The following SOAT2 variants were observed in gnomAD, a reference collection of about 807,000 sequenced individuals.
SOAT2 encodes the protein sterol O-acyltransferase 2.
SOAT2 carries 87 observed loss-of-function variants against 76.0 expected under a neutral mutation model. That is an observed-to-expected ratio of 1.14 (90% CI 0.96 to 1.37). The LOEUF is 1.37. Ranked by LOEUF, SOAT2 falls within the 40% of genes most tolerant of loss-of-function variation. The pLI is 0.00. For missense variants in SOAT2, 686 were observed against 682.1 expected (o/e 1.01, Z -0.06); for synonymous variants, 285 against 275.4 (o/e 1.03, Z -0.34).
Position 53,115,631 on chromosome 12 carries a change from C to A in SOAT2, c.685C>A (p.Arg229Ser), listed in dbSNP as rs766772823. 1.9e-6 allele frequency: 3 copies of A among 1,550,386 alleles called. No homozygotes were observed. The South Asian group carries it at 3.5e-5, about 18-fold the overall frequency. ...AVEHQLPPAS[R>S]CVLVFEQVRF... is the part of the protein sequence containing the mutation. ...GGAGCATCAGCTCCCGCCGGCCTCCCGTTGTGTCCTGGTCTTCGAGCAGGT... is the reference window on the plus strand; with the variant it reads ...GGAGCATCAGCTCCCGCCGGCCTCCAGTTGTGTCCTGGTCTTCGAGCAGGT... The change falls in exon 6 of 15, where the codon CGT becomes AGT. Residue 229 changes from arginine to serine, a missense_variant. Physicochemically the swap from Arg to Ser is moderately radical, Grantham distance 110. Coordinates refer to ENST00000301466, the MANE Select transcript of SOAT2 (RefSeq NM_003578.4).
intron 4 of SOAT2, 83 bp downstream of exon 4, chr12:53,105,703 C>G (rs2272302): frequency 0.19 from 249,046 of 1,319,882 alleles, 29,515 homozygotes; most frequent in African/African-American, 0.5. Context: ...TCATCCCCAG[C>G]CTCTAGGTGG....
chr12:53,105,993 T>C lies in SOAT2; in HGVS notation c.422T>C (p.Ile141Thr), dbSNP rs1278331629. The C allele has an allele frequency of 6.2e-7, 1 of 1,613,928 alleles. No homozygotes were observed. The highest frequency in any genetic ancestry group is 1.3e-5 in the African/African-American group (1 of 75,034). The change falls in exon 5 of 15, where the codon ATC (isoleucine) becomes ACC (threonine). Residue 141 changes from isoleucine (I) to threonine (T), a missense_variant. Transcript: ENST00000301466. Reference sequence around the variant, plus strand: ...GTCTTCATCATCAGCACCCTGGCCATCGACTTCATTGATGAGGGCAGGTAG... The same window carrying C: ...GTCTTCATCATCAGCACCCTGGCCACCGACTTCATTGATGAGGGCAGGTAG... ...LCVFIISTLA[I>T]DFIDEGRLLL...
chr12:53,104,020 A>G, intron 1 of SOAT2, 131 bp from the exon 2 acceptor site: 5 of 825,088 alleles, frequency 6.1e-6, no homozygotes, highest in Non-Finnish European at 8.6e-6. Flanking sequence ...CCCAACCATG[A>G]TACTAGATAT....
At position 53,107,622 on chromosome 12, in the gene SOAT2, C is replaced by CTTTTTTTTTTTTTTTTTTTTTTTTTTTT. The variant is rs1303838303; in HGVS notation, c.443+1626_443+1627insTTTTTTTTTTTTTTTTTTTTTTTTTTTT. ...AGACTAGAATTTAACAACAGATGTA[C>CTTTTTTTTTTTTTTTTTTTTTTTTTTTT]TTTTTTTTTTTTTTTTTTGAGACAG... On this transcript the variant is annotated intron_variant, in intron 5 of 14. Transcript: ENST00000301466. Among the ~76,000 whole-genome samples, 4 of 117,036 alleles carry CTTTTTTTTTTTTTTTTTTTTTTTTTTTT rather than the reference C, an allele frequency of 3.4e-5. 1 individual carries two copies. The highest frequency in any genetic ancestry group is 1.5e-4 in the African/African-American group (4 of 27,182). The allele number at this position is 117,036 out of a possible 152,430, so 76.8% of individuals were successfully genotyped here. A position where few individuals can be genotyped will look rare whatever the true frequency, so the allele number is the denominator to read the frequency against.
chr12:53,118,107 G>A (rs1938132774), intron 7 of SOAT2, among the ~76,000 whole-genome samples: 1 of 152,110 alleles, frequency 6.6e-6, no homozygotes, highest in East Asian at 1.9e-4. Flanking sequence ...AGCAGGCCCT[G>A]CACTGGAAGA....
rs750241862 is a variant in SOAT2 at position 53,116,069 on chromosome 12, C to G, written c.709-28C>G. ...CGATTTGCTTAAAGCCACACAGCAA[C>G]TTTTCCTCCCCTTCCATTCTGCCAC... On this transcript the variant is annotated intron_variant, in intron 6 of 14. Coordinates refer to ENST00000301466, the MANE Select transcript of SOAT2 (RefSeq NM_003578.4). 7 of 1,608,440 alleles carry G rather than the reference C, an allele frequency of 4.4e-6. No individual in the cohort carries two copies. The Admixed American group carries it at 1.2e-4, about 27-fold the overall frequency.
At chr12:53,105,280 G>A (rs1237351962) in intron 3 of SOAT2, 37 bp downstream of exon 3, 1 of 1,587,090 alleles carries the variant, frequency 6.3e-7, no homozygotes, top group Admixed American at 1.8e-5. Flanking sequence ...CTCCTCTGTA[G>A]CAAGGATCAT....
intron 6 of SOAT2, 136 bp downstream of exon 6, chr12:53,115,790 A>G: frequency 8.9e-7 from 1 of 1,122,316 alleles, no homozygotes; most frequent in Non-Finnish European, 1.2e-6. Context: ...GGGCGGAGCT[A>G]GTTACCGGGG....
intron 10 of SOAT2, 82 bp downstream of exon 10, chr12:53,119,335 A>C (rs748027059): frequency 4.1e-6 from 6 of 1,453,530 alleles, no homozygotes; most frequent in Non-Finnish European, 5.7e-6. Flanking sequence ...ACCTTCCCTC[A>C]GTTTCAACAC....
At chr12:53,104,047 G>A in intron 1 of SOAT2, 104 bp from the exon 2 acceptor site, 1 of 957,598 alleles carries the variant, frequency 1.0e-6, no homozygotes, top group Non-Finnish European at 1.7e-6. Flanking sequence ...GTTGGGGTGA[G>A]GGCAGCTGCT....
chr12:53,115,591 G>T lies in SOAT2; in HGVS notation c.645G>T (p.Pro215=). The T allele has an allele frequency of 6.3e-7, 1 of 1,576,190 alleles. No homozygotes were observed. Among genetic ancestry groups the T allele is most frequent in the Non-Finnish European group, 8.6e-7 (1 of 1,167,074 alleles). The change falls in exon 6 of 15, where the codon CCG becomes CCT. Residue 215 remains proline, a synonymous_variant. Transcript: ENST00000301466. ...ACGCCGTGGTGCTCTGCGCGCTGCC[G>T]GTCCACGTGGCCGTGGAGCATCAGC... ...AAHAVVLCAL[P]VHVAVEHQLP...
At chr12:53,110,295 G>A (rs745942894) in intron 5 of SOAT2, among the ~76,000 whole-genome samples, 7 of 152,092 alleles carry the variant, frequency 4.6e-5, no homozygotes, top group South Asian at 2.1e-4. Context: ...TAGGTGTGGC[G>A]CCTAGGACCT....
rs1473553782 is a variant in SOAT2 at position 53,115,392 on chromosome 12, T to G, written c.446T>G (p.Leu149Arg). Residue 149 changes from leucine (L) to arginine (R), a missense_variant and splice_region_variant, in exon 6 of 15, where the codon CTG becomes CGG. Coordinates refer to ENST00000301466, the MANE Select transcript of SOAT2 (RefSeq NM_003578.4). ...TGTCTCTCCTTCCCCACTCCAAGGC[T>G]GCTGCTGGAGTTTGACCTACTGATC... Reference protein sequence around the residue: ...LAIDFIDEGRLLLEFDLLIFS... With the variant: ...LAIDFIDEGRRLLEFDLLIFS... 6.2e-7 allele frequency: 1 copy of G among 1,600,420 alleles called. No individual in the cohort carries two copies. The highest frequency in any genetic ancestry group is 2.2e-5 in the East Asian group (1 of 44,646).
chr12:53,112,326 C>G (rs1400619395), intron 5 of SOAT2, among the ~76,000 whole-genome samples: 1 of 152,068 alleles, frequency 6.6e-6, no homozygotes, highest in Non-Finnish European at 1.5e-5. Context: ...GCGGGCAGAT[C>G]ACCTGAGGTT....
intron 5 of SOAT2, among the ~76,000 whole-genome samples, chr12:53,111,332 C>G (rs1473294380): frequency 2.0e-5 from 3 of 152,164 alleles, no homozygotes; most frequent in Non-Finnish European, 2.9e-5. Flanking sequence ...TGGTCTCGAT[C>G]TCCTGACCTC....
chr12:53,105,007 G>C (rs558977482), intron 2 of SOAT2, 100 bp from the exon 3 acceptor site: 2 of 968,460 alleles, frequency 2.1e-6, no homozygotes, highest in Admixed American at 3.4e-5. Context: ...TTTAAAAAAA[G>C]CACTGTGCCT....
chr12:53,120,305 CAAA>C (rs1565628937), intron 10 of SOAT2, among the ~76,000 whole-genome samples: 1 of 151,636 alleles, frequency 6.6e-6, no homozygotes, highest in Non-Finnish European at 1.5e-5. Context: ...CCATCTCTAC[CAAA>C]AATACAAAAA....
intron 8 of SOAT2, 71 bp downstream of exon 8, chr12:53,118,505 T>C: frequency 1.7e-6 from 2 of 1,145,422 alleles, no homozygotes; most frequent in African/African-American, 1.5e-5. Flanking sequence ...CTCCCCTCCC[T>C]GAGGTCCTCA....
At position 53,116,103 on chromosome 12, in the gene SOAT2, T is replaced by C; in HGVS notation, c.715T>C (p.Phe239Leu). 6.2e-7 allele frequency: 1 copy of C among 1,614,056 alleles called. No individual in the cohort carries two copies. The part of the protein sequence containing the change: ...RCVLVFEQVR[F>L]LMKSYSFLRE... ...CCCTTCCATTCTGCCACAGGTTAGG[T>C]TCCTGATGAAAAGCTACTCCTTCCT... The change falls in exon 7 of 15, where the codon TTC (phenylalanine) becomes CTC (leucine). Residue 239 changes from phenylalanine to leucine, a missense_variant. Phe to Leu is a conservative substitution (Grantham distance 22). Transcript: ENST00000301466.
Sources: gnomAD v4.1 joint callset for allele counts (sites outside exome capture counted in the v4.1 genomes callset) on GRCh38, gnomAD v4.1.1 for gene constraint, MANE v1.5 for transcripts, NCBI Gene and HGNC (gene_info 2026-07-23, HGNC 2026-07-21) for gene names.